The following AKR1C2 variants were observed in gnomAD, a reference collection of about 807,000 sequenced individuals.
AKR1C2 encodes 3-alpha-HSD3.
AKR1C2 carries 27 observed loss-of-function variants against 39.8 expected under a neutral mutation model. The ratio of observed to expected loss-of-function variants is 0.68; its 90% confidence interval spans 0.50 to 0.93. AKR1C2 has a LOEUF of 0.93. AKR1C2 is among the 40% of genes least tolerant of loss of function. The pLI, the probability that AKR1C2 is intolerant of heterozygous loss-of-function variation, is 0.00. For synonymous variants in AKR1C2, 114 were observed against 137.9 expected (o/e 0.83, Z 1.22); for missense variants, 263 against 365.1 (o/e 0.72, Z 2.28).
rs1554773429 is a variant in AKR1C2, at chr10:4,998,697, G to A, written c.498C>T (p.Ser166=). The A allele has an allele frequency of 6.2e-7, 1 of 1,614,116 alleles. No homozygotes were observed. Among genetic ancestry groups the A allele is most frequent in the South Asian group, 1.1e-5 (1 of 91,080 alleles). Reference sequence around the variant, plus strand: ...TCTCCAGCAGCCTGTGGTTGAAGTTGGACACCCCGATGGACTTGGCCAATC... The same window carrying A: ...TCTCCAGCAGCCTGTGGTTGAAGTTAGACACCCCGATGGACTTGGCCAATC... ...DAGLAKSIGV[S]NFNHRLLEMI... The change falls in exon 5 of 9, where the codon TCC becomes TCT. Residue 166 remains serine (S), a synonymous_variant. Transcript: ENST00000380753.
At chr10:5,002,576 A>T (rs1837305961) in intron 1 of AKR1C2, among the ~76,000 whole-genome samples, 1 of 152,258 alleles carries the variant, frequency 6.6e-6, no homozygotes, top group Admixed American at 6.5e-5. Flanking sequence ...ATTCAAGGCA[A>T]CTCTGTCAGG....
chr10:4,993,160 T>C (rs1836900801), intron 7 of AKR1C2, among the ~76,000 whole-genome samples: 1 of 152,202 alleles, frequency 6.6e-6, no homozygotes, highest in African/African-American at 2.4e-5. Flanking sequence ...TGGAAGTTAA[T>C]AAGATGATTC....
upstream of AKR1C2, chr10:5,003,905 C>T (rs1175967237): frequency 6.8e-5 from 98 of 1,447,184 alleles, no homozygotes; most frequent in Admixed American, 8.5e-5. Context: ...GAGCTGGCAA[C>T]GCCCCTGAGC....
intron 1 of AKR1C2, 44 bp from the exon 2 acceptor site, chr10:5,001,725 G>A (rs2131704445): frequency 6.2e-7 from 1 of 1,611,764 alleles, no homozygotes; most frequent in East Asian, 2.2e-5. Context: ...TAATGTGCCT[G>A]AGAGTTAGTT....
intron 1 of AKR1C2, among the ~76,000 whole-genome samples, chr10:5,002,572 G>C (rs1184402055): frequency 5.9e-5 from 9 of 152,234 alleles, no homozygotes; most frequent in Admixed American, 6.5e-5. Context: ...ATAAATTCAA[G>C]GCAACTCTGT....
chr10:4,994,972 A>G (rs1836980336), intron 7 of AKR1C2, among the ~76,000 whole-genome samples: 1 of 116,780 alleles, frequency 8.6e-6, no homozygotes, highest in African/African-American at 3.3e-5. Context: ...TATACTACAT[A>G]AACATACAAG....
upstream of AKR1C2, chr10:5,017,979 G>C (rs1240083793): frequency 2.6e-5 from 4 of 151,978 alleles, no homozygotes; most frequent in Non-Finnish European, 5.9e-5. Context: ...AGAGAGAGAA[G>C]GTGGAGGTGC....
chr10:5,000,337 C>T (rs1262220382), intron 3 of AKR1C2: 3 of 1,530,068 alleles, frequency 2.0e-6, no homozygotes, highest in South Asian at 1.3e-5. Flanking sequence ...GAGGATTCTG[C>T]ACTCTCTTTT....
rs1398096835 is a variant in AKR1C2, at chr10:4,989,209, A to G, written c.*787T>C. 1 of 152,204 alleles carries G rather than the reference A, an allele frequency of 6.6e-6. No homozygotes were observed. Among genetic ancestry groups the G allele is most frequent in the African/African-American group, 2.4e-5 (1 of 41,444 alleles). 9.4% of individuals were successfully genotyped at this position (152,204 alleles called of 1,614,324 possible). On this transcript the variant is annotated 3_prime_UTR_variant, in exon 9 of 9. Transcript: ENST00000380753. ...CGATGTCCTGCCCCACCACAAACCAATAGGGTCAACGTTGTGAATGGGCAC... is the reference window on the plus strand; with the variant it reads ...CGATGTCCTGCCCCACCACAAACCAGTAGGGTCAACGTTGTGAATGGGCAC...
chr10:5,005,616 G>A (rs1177544444), upstream of AKR1C2, among the ~76,000 whole-genome samples: 3 of 152,180 alleles, frequency 2.0e-5, no homozygotes, highest in African/African-American at 7.2e-5. Flanking sequence ...CCAGGAGGCA[G>A]AGGTTGCAGT....
intron 1 of AKR1C2, among the ~76,000 whole-genome samples, chr10:5,017,452 C>T (rs1228201202): frequency 6.6e-6 from 1 of 152,180 alleles, no homozygotes; most frequent in Non-Finnish European, 1.5e-5. Flanking sequence ...TGACACAGAT[C>T]TCTAGGGTAG....
chr10:5,012,194 A>G (rs2398178), intron 1 of AKR1C2, among the ~76,000 whole-genome samples: 16,605 of 150,444 alleles, frequency 0.11, 2,174 homozygotes, highest in African/African-American at 0.32. Context: ...CCTAGTGGCT[A>G]GTGATATAGT....
chr10:5,012,527 C>T (rs1837544369), intron 1 of AKR1C2, among the ~76,000 whole-genome samples: 1 of 150,154 alleles, frequency 6.7e-6, no homozygotes, highest in Admixed American at 6.6e-5. Flanking sequence ...CCTAAGATGC[C>T]ATGCAGTTGG....
Position 4,989,907 on chromosome 10 carries a change from G to A in AKR1C2, c.*89C>T, listed in dbSNP as rs1296873601. ...AAGCAGGAGAGATTTAACCAGAGGC[G>A]ATGTGTCCAGTCACCAGCATAGAGC... On this transcript the variant is annotated 3_prime_UTR_variant, in exon 9 of 9. Transcript: ENST00000380753. 8 of 1,455,810 alleles carry A rather than the reference G, an allele frequency of 5.5e-6. No homozygotes were observed. The highest frequency in any genetic ancestry group is 7.6e-6 in the Non-Finnish European group (8 of 1,057,814). The allele number at this position is 1,455,810 out of a possible 1,614,324, so 90.2% of individuals were successfully genotyped here.
upstream of AKR1C2, chr10:5,007,349 T>G (rs1837426562): frequency 6.7e-6 from 1 of 149,698 alleles, no homozygotes; most frequent in Non-Finnish European, 1.5e-5. Context: ...TCTGTTAACA[T>G]GTACACCATA....
chr10:5,015,378 C>T (rs1837615497), intron 1 of AKR1C2: 2 of 152,188 alleles, frequency 1.3e-5, no homozygotes, highest in African/African-American at 4.8e-5. Flanking sequence ...GGAAAACATA[C>T]TTGACAGTTA....
intron 3 of AKR1C2, chr10:5,000,284 G>A (rs1837216349): frequency 3.4e-6 from 5 of 1,474,962 alleles, no homozygotes; most frequent in Middle Eastern, 5.0e-4. Context: ...GTGCCTTCAA[G>A]GAGATGATTG....
At chr10:5,014,160 A>G (rs1254873292) in intron 1 of AKR1C2, among the ~76,000 whole-genome samples, 3 of 148,334 alleles carry the variant, frequency 2.0e-5, no homozygotes, top group African/African-American at 7.6e-5. Context: ...ATTATGAATA[A>G]GGTTATCATG....
chr10:5,011,504 T>TGG (rs1167083623), intron 1 of AKR1C2, among the ~76,000 whole-genome samples: 1 of 152,204 alleles, frequency 6.6e-6, no homozygotes, highest in Admixed American at 6.5e-5. Flanking sequence ...TAAGAATCTC[T>TGG]GGTGTAGGAT....
Sources: gnomAD v4.1 joint callset for allele counts (sites outside exome capture counted in the v4.1 genomes callset) on GRCh38, gnomAD v4.1.1 for gene constraint, MANE v1.5 for transcripts, NCBI Gene and HGNC (gene_info 2026-07-23, HGNC 2026-07-21) for gene names.